EFL1: variants seen among roughly 807,000 people sequenced by gnomAD.
EFL1 encodes the protein elongation factor-like GTPase 1.
A neutral mutation model predicts 126.7 loss-of-function variants in EFL1; 76 were observed. That is an observed-to-expected ratio of 0.60 (90% CI 0.50 to 0.73). EFL1 has a LOEUF of 0.73. EFL1 is among the 30% of genes least tolerant of loss of function. The pLI is 0.00. For synonymous variants in EFL1, 410 were observed against 448.4 expected (o/e 0.91, Z 1.08); for missense variants, 1,128 against 1,343.2 (o/e 0.84, Z 2.50).
chr15:82,186,900 A>G (rs75884951), intron 15 of EFL1, among the ~76,000 whole-genome samples: 27,904 of 152,142 alleles, frequency 0.18, 2,907 homozygotes, highest in South Asian at 0.39. Flanking sequence ...GCGCCTCAAT[A>G]ATTCAGGCGC....
intron 9 of EFL1, among the ~76,000 whole-genome samples, chr15:82,228,743 T>C (rs1351081670): frequency 1.3e-5 from 2 of 152,238 alleles, no homozygotes; most frequent in Non-Finnish European, 2.9e-5. Flanking sequence ...TAATAACTAT[T>C]TTTTAAAAGT....
intron 15 of EFL1, among the ~76,000 whole-genome samples, chr15:82,179,658 C>A (rs2141258162): frequency 6.6e-6 from 1 of 152,132 alleles, no homozygotes; most frequent in East Asian, 1.9e-4. Flanking sequence ...TTTCCACAAT[C>A]ATTGAAATCT....
intron 15 of EFL1, among the ~76,000 whole-genome samples, chr15:82,207,232 T>C (rs913921702): frequency 6.6e-6 from 1 of 151,074 alleles, no homozygotes; most frequent in African/African-American, 2.4e-5. Context: ...TTCCTTTTCA[T>C]TATAAAAAAC....
chr15:82,181,714 T>A (rs1480402941), intron 15 of EFL1, among the ~76,000 whole-genome samples: 1 of 152,076 alleles, frequency 6.6e-6, no homozygotes, highest in Non-Finnish European at 1.5e-5. Context: ...GGTAGGCCAA[T>A]GAACGTGACA....
At chr15:82,226,579 G>T (rs2074766238) in intron 11 of EFL1, among the ~76,000 whole-genome samples, 1 of 152,160 alleles carries the variant, frequency 6.6e-6, no homozygotes, top group Non-Finnish European at 1.5e-5. Flanking sequence ...TTGGGGATAA[G>T]ATAAAAAGTC....
intron 19 of EFL1, among the ~76,000 whole-genome samples, chr15:82,134,689 C>T (rs2073701430): frequency 6.6e-6 from 1 of 152,192 alleles, no homozygotes; most frequent in Admixed American, 6.5e-5. Context: ...AGGGTAATCT[C>T]AGTAATAAGC....
At chr15:82,197,776 T>G (rs1470944047) in intron 15 of EFL1, among the ~76,000 whole-genome samples, 1 of 152,082 alleles carries the variant, frequency 6.6e-6, no homozygotes, top group Non-Finnish European at 1.5e-5. Flanking sequence ...TTGAAGTCAT[T>G]CTTCAGGTTG....
At chr15:82,262,386 T>C (rs1301908954) in intron 1 of EFL1, 17 of 161,532 alleles carry the variant, frequency 1.1e-4, no homozygotes, top group Non-Finnish European at 2.3e-4. Flanking sequence ...TACATGCCCT[T>C]CATTTCTGCA....
At chr15:82,192,091 G>A (rs989848669) in intron 15 of EFL1, among the ~76,000 whole-genome samples, 3 of 152,082 alleles carry the variant, frequency 2.0e-5, no homozygotes, top group African/African-American at 7.2e-5. Flanking sequence ...AGAAGGCTGG[G>A]CATATTGTAT....
At chr15:82,179,924 G>A (rs1463589622) in intron 15 of EFL1, among the ~76,000 whole-genome samples, 1 of 152,064 alleles carries the variant, frequency 6.6e-6, no homozygotes, top group Non-Finnish European at 1.5e-5. Context: ...AAAGTGCTGG[G>A]CAAATAAATA....
intron 7 of EFL1, among the ~76,000 whole-genome samples, chr15:82,231,211 T>C (rs1014643540): frequency 1.3e-5 from 2 of 152,260 alleles, no homozygotes; most frequent in East Asian, 1.9e-4. Flanking sequence ...CCAATATGAA[T>C]TGTACTACAT....
intron 15 of EFL1, among the ~76,000 whole-genome samples, chr15:82,210,144 A>C (rs2074568771): frequency 6.6e-6 from 1 of 152,232 alleles, no homozygotes; most frequent in Admixed American, 6.5e-5. Flanking sequence ...GTGTCCTGTC[A>C]TGAGTCTGTT....
rs570110204 is a variant in EFL1, at chr15:82,208,963, T to TA, written c.1750+5753dup. On this transcript the variant is annotated intron_variant, in intron 15 of 19. Coordinates refer to ENST00000268206, the MANE Select transcript of EFL1 (RefSeq NM_024580.6). Reference sequence around the variant, plus strand: ...CATATTCTTATAAGCAATATGAAAATAAAAAGAAATATGACACATAACTAC... The same window carrying TA: ...CATATTCTTATAAGCAATATGAAAATAAAAAAGAAATATGACACATAACTAC... Among the ~76,000 whole-genome samples the TA allele has an allele frequency of 2.9e-3, 438 of 151,336 alleles. 4 individuals carry two copies. The highest frequency in any genetic ancestry group is 0.01 in the African/African-American group (415 of 41,154).
chr15:82,230,825 A>G, intron 8 of EFL1, 23 bp downstream of exon 8: 1 of 1,586,250 alleles, frequency 6.3e-7, no homozygotes, highest in African/African-American at 1.4e-5. Flanking sequence ...ACCAACAACC[A>G]AAAGGGACAT....
chr15:82,184,679 T>C (rs990867724), intron 15 of EFL1, among the ~76,000 whole-genome samples: 1 of 152,204 alleles, frequency 6.6e-6, no homozygotes, highest in African/African-American at 2.4e-5. Context: ...TTCTCTGGCC[T>C]TTCATGTTCA....
At chr15:82,203,236 T>C (rs554488884) in intron 15 of EFL1, among the ~76,000 whole-genome samples, 2 of 152,362 alleles carry the variant, frequency 1.3e-5, no homozygotes, top group East Asian at 3.9e-4. Flanking sequence ...CTAATACTTG[T>C]GTATTTCTCC....
At chr15:82,209,304 C>CACACAG (rs71156030) in intron 15 of EFL1, among the ~76,000 whole-genome samples, 5,882 of 130,292 alleles carry the variant, frequency 0.045, 171 homozygotes, top group Middle Eastern at 0.094. Flanking sequence ...TAAGGATTCA[C>CACACAG]ACACAGACAC....
chr15:82,255,555 A>C (rs1219046318), intron 3 of EFL1, among the ~76,000 whole-genome samples: 2 of 152,212 alleles, frequency 1.3e-5, no homozygotes, highest in Non-Finnish European at 2.9e-5. Flanking sequence ...TTTTGTCTTA[A>C]GAAATCTTCC....
In EFL1 at chr15:82,220,419, C is replaced by A. The variant is rs141350473; in HGVS notation, c.1293-190G>T. ...TCTCTCTAATAATGCTGTGTCCCAA[C>A]TATTCTGAGCTTATGAACTGACATG... On this transcript the variant is annotated intron_variant, in intron 12 of 19. Transcript: ENST00000268206. Among the ~76,000 whole-genome samples the A allele has an allele frequency of 7.9e-3, 1,200 of 152,300 alleles. 6 individuals carry two copies. Among genetic ancestry groups the A allele is most frequent in the Non-Finnish European group, 0.013 (918 of 68,014 alleles).
Sources: gnomAD v4.1 joint callset for allele counts (sites outside exome capture counted in the v4.1 genomes callset) on GRCh38, gnomAD v4.1.1 for gene constraint, MANE v1.5 for transcripts, NCBI Gene and HGNC (gene_info 2026-07-23, HGNC 2026-07-21) for gene names.